PDE11A: variants seen among roughly 807,000 people sequenced by gnomAD.
PDE11A encodes dual 3',5'-cyclic-AMP and -GMP phosphodiesterase 11A.
A neutral mutation model predicts 100.5 loss-of-function variants in PDE11A; 100 were observed. The observed-to-expected ratio is 1.00, with a 90% CI of 0.85 to 1.18. The LOEUF is 1.18. PDE11A is among the 50% of genes most tolerant of loss of function. The pLI is 0.00. For missense variants in PDE11A, 1,141 were observed against 1,152.6 expected (o/e 0.99, Z 0.15); for synonymous variants, 381 against 420.8 (o/e 0.91, Z 1.16).
At chr2:177,968,201 G>T (rs2085722968) in intron 2 of PDE11A, among the ~76,000 whole-genome samples, 2 of 152,130 alleles carry the variant, frequency 1.3e-5, no homozygotes, top group African/African-American at 4.8e-5. Context: ...AACAGAGACT[G>T]TATTTATTCT....
intron 10 of PDE11A, among the ~76,000 whole-genome samples, chr2:177,741,978 G>T (rs2081877685): frequency 6.6e-6 from 1 of 151,416 alleles, no homozygotes; most frequent in Non-Finnish European, 1.5e-5. Context: ...GCTGCAGTGA[G>T]CTAGGATCAC....
chr2:178,014,270 A>AAGT, intron 2 of PDE11A, 32 bp downstream of exon 2: 2 of 1,543,002 alleles, frequency 1.3e-6, no homozygotes, highest in South Asian at 2.2e-5. Flanking sequence ...CCAAGAAGAA[A>AAGT]AGTACAACTC....
intron 9 of PDE11A, among the ~76,000 whole-genome samples, chr2:177,775,954 C>T (rs138366339): frequency 6.6e-6 from 1 of 152,148 alleles, no homozygotes; most frequent in East Asian, 1.9e-4. Flanking sequence ...GAAGGTATAT[C>T]CTATCCCTGG....
At chr2:177,916,936 T>TTTTG (rs2084963052) in intron 2 of PDE11A, among the ~76,000 whole-genome samples, 1 of 117,602 alleles carries the variant, frequency 8.5e-6, no homozygotes, top group Non-Finnish European at 1.9e-5. Context: ...AATTTTTTTT[T>TTTTG]TTTTTTTTTT....
intron 16 of PDE11A, among the ~76,000 whole-genome samples, chr2:177,676,542 A>C (rs2080777100): frequency 6.6e-6 from 1 of 151,496 alleles, no homozygotes; most frequent in Non-Finnish European, 1.5e-5. Context: ...GGGTCCCCCC[A>C]CAGGAAACCC....
At chr2:178,102,110 T>C (rs909400480) in intron 2 of PDE11A, among the ~76,000 whole-genome samples, 2 of 151,404 alleles carry the variant, frequency 1.3e-5, no homozygotes, top group African/African-American at 4.9e-5. Flanking sequence ...ACTAGAGGAA[T>C]ATGCCACCAC....
At chr2:178,074,698 G>A (rs568049856), upstream of PDE11A, among the ~76,000 whole-genome samples, 7 of 152,268 alleles carry the variant, frequency 4.6e-5, no homozygotes, top group East Asian at 1.9e-4. Flanking sequence ...AAAGATCTCC[G>A]TCTACAGCAC....
intron 4 of PDE11A, among the ~76,000 whole-genome samples, chr2:177,895,608 A>G (rs1336498927): frequency 6.6e-6 from 1 of 152,194 alleles, no homozygotes; most frequent in Non-Finnish European, 1.5e-5. Flanking sequence ...TGTAATTTCA[A>G]ACAACATGAA....
chr2:177,953,748 C>T (rs1167143440), intron 2 of PDE11A, among the ~76,000 whole-genome samples: 1 of 152,026 alleles, frequency 6.6e-6, no homozygotes, highest in Non-Finnish European at 1.5e-5. Context: ...TAAATAAACC[C>T]TTGGTGAGTT....
chr2:178,030,749 G>A (rs1311689299), intron 1 of PDE11A, among the ~76,000 whole-genome samples: 2 of 152,124 alleles, frequency 1.3e-5, no homozygotes, highest in African/African-American at 4.8e-5. Flanking sequence ...ATGGTGGCAT[G>A]TGCCTGTAGT....
intron 2 of PDE11A, among the ~76,000 whole-genome samples, chr2:177,946,255 A>G: frequency 7.3e-6 from 1 of 137,642 alleles, no homozygotes; most frequent in African/African-American, 2.7e-5. Context: ...CCGCCCGGCC[A>G]GCCGCCCCGT....
At chr2:177,694,577 G>C (rs2081083583) in intron 15 of PDE11A, among the ~76,000 whole-genome samples, 1 of 152,158 alleles carries the variant, frequency 6.6e-6, no homozygotes, top group African/African-American at 2.4e-5. Context: ...ATACTTGAAA[G>C]AAAGGCTCAG....
intron 19 of PDE11A, among the ~76,000 whole-genome samples, chr2:177,649,165 G>A (rs2080269829): frequency 6.6e-6 from 1 of 152,086 alleles, no homozygotes; most frequent in Non-Finnish European, 1.5e-5. Flanking sequence ...AGACATTACT[G>A]ATAGGAATGT....
At chr2:177,709,448 G>A (rs1376044736) in intron 13 of PDE11A, among the ~76,000 whole-genome samples, 1 of 152,182 alleles carries the variant, frequency 6.6e-6, no homozygotes, top group African/African-American at 2.4e-5. Flanking sequence ...CCATTCCTTG[G>A]GGTAGAGAAT....
intron 2 of PDE11A, among the ~76,000 whole-genome samples, chr2:177,954,142 T>C (rs1229478467): frequency 6.6e-6 from 1 of 151,922 alleles, no homozygotes; most frequent in East Asian, 1.9e-4. Context: ...TTCTGGTCTA[T>C]AATGCTTCCC....
chr2:178,097,642 G>A (rs1322554467), intron 2 of PDE11A, among the ~76,000 whole-genome samples: 6 of 152,200 alleles, frequency 3.9e-5, no homozygotes, highest in Admixed American at 3.9e-4. Flanking sequence ...AAAGAAGCTA[G>A]TAGAAAATGA....
At chr2:177,746,301 C>T (rs749207) in intron 10 of PDE11A, among the ~76,000 whole-genome samples, 108,802 of 151,956 alleles carry the variant, frequency 0.72, 40,289 homozygotes, top group East Asian at 0.86. Context: ...TAGAAAGATA[C>T]AAAAATTTGG....
At chr2:177,918,478 A>G (rs1657954901) in intron 2 of PDE11A, among the ~76,000 whole-genome samples, 1 of 152,246 alleles carries the variant, frequency 6.6e-6, no homozygotes, top group African/African-American at 2.4e-5. Context: ...ATTAAAATAA[A>G]AGCAGAAAAT....
chr2:177,789,738 A>G (rs1260375911), intron 9 of PDE11A, among the ~76,000 whole-genome samples: 1 of 152,198 alleles, frequency 6.6e-6, no homozygotes, highest in African/African-American at 2.4e-5. Context: ...ATTTTTATAC[A>G]CCAATAACAG....
Sources: allele counts gnomAD v4.1 joint callset (sites outside exome capture counted in the v4.1 genomes callset), GRCh38; gene constraint gnomAD v4.1.1; transcripts MANE v1.5; gene names NCBI Gene and HGNC (gene_info 2026-07-23, HGNC 2026-07-21).